The following CCSER1 variants were observed in gnomAD, a reference collection of about 807,000 sequenced individuals.
CCSER1 encodes the protein serine-rich coiled-coil domain-containing protein 1.
A neutral mutation model predicts 82.0 loss-of-function variants in CCSER1; 41 were observed. That is an observed-to-expected ratio of 0.50 (90% confidence interval 0.39 to 0.65). CCSER1 has a LOEUF of 0.65. Among genes scored for constraint, CCSER1 ranks in the 30% least tolerant of loss-of-function variants. The pLI, the probability that CCSER1 is intolerant of heterozygous loss-of-function variation, is 0.00. For missense variants in CCSER1, 1,119 were observed against 1,064.2 expected (o/e 1.05, Z -0.72); for synonymous variants, 414 against 383.9 (o/e 1.08, Z -0.92).
intron 6 of CCSER1, among the ~76,000 whole-genome samples, chr4:90,714,604 A>G (rs1741285489): frequency 6.6e-6 from 1 of 151,998 alleles, no homozygotes; most frequent in Non-Finnish European, 1.5e-5. Context: ...TGTGGGTTAA[A>G]ATAGGGACTC....
At chr4:90,814,129 G>T (rs527959540) in intron 7 of CCSER1, among the ~76,000 whole-genome samples, 18 of 152,172 alleles carry the variant, frequency 1.2e-4, no homozygotes, top group Admixed American at 2.6e-4. Context: ...CTTGGGGCTT[G>T]TACCCTCTGA....
chr4:90,335,400 C>T (rs1740195334), intron 3 of CCSER1, among the ~76,000 whole-genome samples: 1 of 151,996 alleles, frequency 6.6e-6, no homozygotes, highest in Admixed American at 6.5e-5. Context: ...TACAAACAAA[C>T]ATGTCTGAAG....
chr4:91,437,937 C>T (rs1023716319), intron 10 of CCSER1, among the ~76,000 whole-genome samples: 4 of 152,180 alleles, frequency 2.6e-5, no homozygotes, highest in African/African-American at 4.8e-5. Flanking sequence ...GAGGGGCGCC[C>T]GCCATTGCCC....
chr4:90,197,355 T>A (rs1736807617), intron 1 of CCSER1, among the ~76,000 whole-genome samples: 1 of 152,100 alleles, frequency 6.6e-6, no homozygotes, highest in African/African-American at 2.4e-5. Context: ...ACAACCACTA[T>A]GGAGAACAGT....
intron 9 of CCSER1, among the ~76,000 whole-genome samples, chr4:91,036,901 A>T (rs892382540): frequency 1.3e-5 from 2 of 152,000 alleles, no homozygotes; most frequent in Admixed American, 1.3e-4. Context: ...CAACATGGTG[A>T]AACCCGTGTC....
chr4:90,362,576 T>C (rs1410153296), intron 3 of CCSER1, among the ~76,000 whole-genome samples: 1 of 152,176 alleles, frequency 6.6e-6, no homozygotes, highest in Non-Finnish European at 1.5e-5. Flanking sequence ...AAGGAGAATA[T>C]TGGAATATTA....
chr4:90,879,082 CAG>C (rs1720811212), intron 8 of CCSER1, among the ~76,000 whole-genome samples: 2 of 152,134 alleles, frequency 1.3e-5, no homozygotes, highest in Non-Finnish European at 2.9e-5. Context: ...TTTGAGCATT[CAG>C]TGTGTTTGAA....
At chr4:90,243,081 T>TA (rs145867981) in intron 1 of CCSER1, among the ~76,000 whole-genome samples, 20,484 of 143,016 alleles carry the variant, frequency 0.14, 2,106 homozygotes, top group East Asian at 0.27. Context: ...TTTTTTTTTT[T>TA]AAAATAGGAT....
At chr4:91,411,491 CAT>C (rs770013398) in intron 10 of CCSER1, among the ~76,000 whole-genome samples, 6,067 of 53,442 alleles carry the variant, frequency 0.11, 425 homozygotes, top group Middle Eastern at 0.17. Flanking sequence ...TGCATATATA[CAT>C]ATATATATAT....
chr4:91,459,877 A>G (rs1413635663), intron 10 of CCSER1, among the ~76,000 whole-genome samples: 2 of 152,134 alleles, frequency 1.3e-5, no homozygotes, highest in South Asian at 4.1e-4. Context: ...ACCTGAATAT[A>G]ATAACTTTCC....
chr4:91,428,190 A>G (rs1754099833), intron 10 of CCSER1, among the ~76,000 whole-genome samples: 1 of 152,084 alleles, frequency 6.6e-6, no homozygotes, highest in Non-Finnish European at 1.5e-5. Flanking sequence ...CATAAAAATT[A>G]TCATCCATCC....
At position 91,046,935 on chromosome 4, in the gene CCSER1, C is replaced by T. The variant is rs544857215; in HGVS notation, c.2173-39015C>T. On this transcript the variant is annotated intron_variant, in intron 9 of 10. Transcript: ENST00000509176. The stretch of plus-strand genomic sequence containing the variant: ...CTTTCAGCATGTTGGCCAAGATGGT[C>T]TCGATCTCCTGATCATGTGATCTAC... Among the ~76,000 whole-genome samples, 50 of 152,114 alleles carry T rather than the reference C, an allele frequency of 3.3e-4. No homozygotes were observed. The South Asian group carries it at 7.7e-3, about 23-fold the overall frequency.
chr4:90,494,196 A>T (rs894458577), intron 5 of CCSER1, among the ~76,000 whole-genome samples: 1 of 152,366 alleles, frequency 6.6e-6, no homozygotes. Context: ...AAAGGGATCA[A>T]TTCCACAAGA....
chr4:91,141,121 A>G (rs1728982232), intron 10 of CCSER1, among the ~76,000 whole-genome samples: 1 of 151,122 alleles, frequency 6.6e-6, no homozygotes, highest in Non-Finnish European at 1.5e-5. Context: ...CTCCAGCTCC[A>G]TCCATGTTGC....
intron 1 of CCSER1, among the ~76,000 whole-genome samples, chr4:90,185,644 A>T (rs781169630): frequency 6.6e-6 from 1 of 151,996 alleles, no homozygotes; most frequent in Admixed American, 6.6e-5. Context: ...GACAAGAGGG[A>T]TGGAGATGAA....
intron 10 of CCSER1, among the ~76,000 whole-genome samples, chr4:91,277,169 AG>A (rs1742533791): frequency 6.6e-6 from 1 of 152,052 alleles, no homozygotes; most frequent in African/African-American, 2.4e-5. Flanking sequence ...TCATAGAATG[AG>A]TTAGCAAGAA....
At chr4:91,390,099 G>A (rs759849453) in intron 10 of CCSER1, among the ~76,000 whole-genome samples, 18 of 151,752 alleles carry the variant, frequency 1.2e-4, no homozygotes, top group South Asian at 4.1e-4. Flanking sequence ...TCCTTGCCTC[G>A]TTTCTGATCT....
At chr4:90,918,937 G>GT (rs1482215869) in intron 8 of CCSER1, among the ~76,000 whole-genome samples, 1 of 151,570 alleles carries the variant, frequency 6.6e-6, no homozygotes, top group Non-Finnish European at 1.5e-5. Flanking sequence ...CCAATTTTGT[G>GT]TTTAACTCTA....
At chr4:91,367,384 G>C (rs1749702024) in intron 10 of CCSER1, among the ~76,000 whole-genome samples, 1 of 148,502 alleles carries the variant, frequency 6.7e-6, no homozygotes, top group African/African-American at 2.5e-5. Flanking sequence ...TGGTTGTAAG[G>C]ATGAGATCCA....
Sources: gnomAD v4.1 joint callset for allele counts (sites outside exome capture counted in the v4.1 genomes callset) on GRCh38, gnomAD v4.1.1 for gene constraint, MANE v1.5 for transcripts, NCBI Gene and HGNC (gene_info 2026-07-23, HGNC 2026-07-21) for gene names.